DDX23: variants seen among roughly 807,000 people sequenced by gnomAD.
The protein encoded by DDX23 is probable ATP-dependent RNA helicase DDX23.
A neutral mutation model predicts 102.7 loss-of-function variants in DDX23; 33 were observed. That is an observed-to-expected ratio of 0.32 (90% CI 0.24 to 0.43). The LOEUF is 0.43. Among genes scored for constraint, DDX23 ranks in the 20% least tolerant of loss-of-function variants. The pLI is 1.00. For synonymous variants in DDX23, 352 were observed against 376.0 expected (o/e 0.94, Z 0.74); for missense variants, 549 against 1,086.6 (o/e 0.51, Z 6.96).
chr12:48,842,975 A>G (rs1026207740), intron 3 of DDX23, among the ~76,000 whole-genome samples: 5 of 149,824 alleles, frequency 3.3e-5, no homozygotes, highest in Admixed American at 6.7e-5. Context: ...CTGCCTTGGG[A>G]TCCTGTTGAT....
Position 48,831,159 on chromosome 12 carries a change from A to G in DDX23, c.2222T>C (p.Met741Thr), listed in dbSNP as rs1356587567. 6.2e-7 allele frequency: 1 copy of G among 1,614,080 alleles called. No individual in the cohort carries two copies. Among genetic ancestry groups the G allele is most frequent in the African/African-American group, 1.3e-5 (1 of 74,932 alleles). ...QDVSMVVNYD[M>T]AKNIEDYIHR... Reference sequence around the variant, plus strand: ...GAACTTACCTTCAATATTTTTGGCCATATCATAGTTGACAACCATAGACAC... The same window carrying G: ...GAACTTACCTTCAATATTTTTGGCCGTATCATAGTTGACAACCATAGACAC... The change falls in exon 16 of 17, where the codon ATG (methionine) becomes ACG (threonine). Residue 741 changes from methionine (M) to threonine (T), a missense_variant. By Grantham distance (81) the Met-to-Thr change is moderately conservative (BLOSUM62 -1). Around this residue, in one of 4 missense-constraint regions of DDX23, gnomAD observed 0 missense variants for 18.1 expected, o/e 0.00. Transcript: ENST00000308025.
intron 3 of DDX23, among the ~76,000 whole-genome samples, chr12:48,842,378 C>T (rs1211737519): frequency 2.1e-5 from 3 of 142,984 alleles, no homozygotes; most frequent in African/African-American, 7.8e-5. Flanking sequence ...CCCAGTCAGC[C>T]GCCCCGTCCG....
intron 8 of DDX23, 63 bp downstream of exon 8, chr12:48,837,218 G>A (rs555977184): frequency 5.3e-4 from 841 of 1,575,426 alleles, no homozygotes; most frequent in Non-Finnish European, 6.5e-4. Context: ...CACCTCCGTA[G>A]TCATCAGCTC....
intron 3 of DDX23, among the ~76,000 whole-genome samples, chr12:48,843,295 TA>T (rs1042555081): frequency 1.8e-3 from 248 of 135,818 alleles, no homozygotes; most frequent in Middle Eastern, 3.7e-3. Flanking sequence ...AATGATCAAT[TA>T]AAAAAAAAAA....
rs1938364171 is a variant in DDX23 at position 48,830,292 on chromosome 12, C to T, written c.*177G>A. 1 of 794,508 alleles carries T rather than the reference C, an allele frequency of 1.3e-6. No homozygotes were observed. The highest frequency in any genetic ancestry group is 1.7e-5 in the African/African-American group (1 of 58,778). 49.2% of individuals were successfully genotyped at this position (794,508 alleles called of 1,614,324 possible). A position where few individuals can be genotyped will look rare whatever the true frequency, so the allele number is the denominator to read the frequency against. ...CTGCCTCCGACAGCGTCGTCCTCTC[C>T]TTTTGCAGCCCCACACGCAGGCCTC... On this transcript the variant is annotated 3_prime_UTR_variant, in exon 17 of 17. Transcript: ENST00000308025. The surrounding 1 kb of genome is among the most constrained non-coding windows in gnomAD (Gnocchi z 4.9).
At chr12:48,840,228 T>C in intron 3 of DDX23, 122 bp from the exon 4 acceptor site, 1 of 792,122 alleles carries the variant, frequency 1.3e-6, no homozygotes, top group African/African-American at 1.7e-5. Context: ...CCCATGGTCA[T>C]CTATCATGTC....
At chr12:48,843,547 C>CTTTTTTTT (rs757724499) in intron 3 of DDX23, among the ~76,000 whole-genome samples, 9 of 117,512 alleles carry the variant, frequency 7.7e-5, no homozygotes, top group South Asian at 2.7e-4. Context: ...TTCTTTCTTT[C>CTTTTTTTT]TTTTTTTTTT....
intron 11 of DDX23, among the ~76,000 whole-genome samples, chr12:48,835,770 A>G (rs1178260000): frequency 2.0e-5 from 3 of 152,178 alleles, no homozygotes; most frequent in African/African-American, 7.2e-5. Flanking sequence ...CACGCCTGTA[A>G]TCCCCAGCTA....
In DDX23 at chr12:48,832,669, A is replaced by C; in HGVS notation, c.1804-96T>G. On this transcript the variant is annotated intron_variant, in intron 13 of 16. Transcript: ENST00000308025. The surrounding 1 kb of genome is among the most constrained non-coding windows in gnomAD (Gnocchi z 4.4). ...GGTCAGCCCAGACTAAAGAATCTAA[A>C]ATGGGCCACAGTATAGGCTTTGATA... is the stretch of plus-strand genomic sequence containing the variant. The C allele has an allele frequency of 6.8e-7, 1 of 1,464,884 alleles. No individual in the cohort carries two copies. The highest frequency in any genetic ancestry group is 9.2e-7 in the Non-Finnish European group (1 of 1,090,356). 90.7% of individuals were successfully genotyped at this position (1,464,884 alleles called of 1,614,324 possible). A position where few individuals can be genotyped will look rare whatever the true frequency, so the allele number is the denominator to read the frequency against.
At chr12:48,844,129 T>C in intron 2 of DDX23, 79 bp from the exon 3 acceptor site, 1 of 1,292,700 alleles carries the variant, frequency 7.7e-7, no homozygotes, top group Non-Finnish European at 1.1e-6. Flanking sequence ...AAAGTTCCTA[T>C]ACTCTCGTCC....
In DDX23 at chr12:48,839,907, G is replaced by C. The variant is rs1938522248; in HGVS notation, c.417C>G (p.Ala139=). The change falls in exon 5 of 17, where the codon GCC becomes GCG. Residue 139 remains alanine, a splice_region_variant and synonymous_variant. Coordinates refer to ENST00000308025, the MANE Select transcript of DDX23 (RefSeq NM_004818.3). ...GAAGCTCCTCCAGGGATAATGGCTG[G>C]GCCTGAAGATAAAACAGAACTTTAG... ...EDEHGDKKPK[A]QPLSLEELLA... is the part of the protein sequence containing the mutation. The C allele has an allele frequency of 6.2e-7, 1 of 1,614,100 alleles. No individual in the cohort carries two copies. Among genetic ancestry groups the C allele is most frequent in the African/African-American group, 1.3e-5 (1 of 75,020 alleles).
At position 48,837,151 on chromosome 12, in the gene DDX23, G is replaced by C. The variant is rs371321804; in HGVS notation, c.867-114C>G. The C allele has an allele frequency of 9.6e-6, 15 of 1,560,514 alleles. No individual in the cohort carries two copies. The East Asian group carries it at 2.3e-4, about 23-fold the overall frequency. ...CCCAGACAGGGTCTTTCTTCCACCA[G>C]AGGGCTGGCTGACTACCAGTCTACC... On this transcript the variant is annotated intron_variant, in intron 8 of 16. Coordinates refer to ENST00000308025, the MANE Select transcript of DDX23 (RefSeq NM_004818.3).
chr12:48,851,197 C>A (rs768512665), intron 1 of DDX23, among the ~76,000 whole-genome samples: 5 of 152,174 alleles, frequency 3.3e-5, no homozygotes, highest in Admixed American at 6.5e-5. Context: ...TGAGGTCGGA[C>A]GCGGTGGCTC....
intron 1 of DDX23, among the ~76,000 whole-genome samples, chr12:48,847,103 G>A (rs1366474530): frequency 6.6e-6 from 1 of 152,176 alleles, no homozygotes; most frequent in Non-Finnish European, 1.5e-5. Flanking sequence ...GTATAAAGAT[G>A]AGAAAAGAAA....
At chr12:48,837,179 T>C (rs528413046) in intron 8 of DDX23, 102 bp downstream of exon 8, 2 of 1,549,352 alleles carry the variant, frequency 1.3e-6, no homozygotes, top group South Asian at 2.3e-5. Flanking sequence ...AGTCTACCAA[T>C]TTTCCATCCC....
Position 48,837,863 on chromosome 12 carries a change from T to C in DDX23, c.619+79A>G, listed in dbSNP as rs1030166290. ...CCAAACTCCAGAGTGAACAGGTTTC[T>C]ATCTCTCCTAAGAGACACTGTATCT... On this transcript the variant is annotated intron_variant, in intron 6 of 16. Transcript: ENST00000308025. 3.8e-6 allele frequency: 6 copies of C among 1,590,050 alleles called. No individual in the cohort carries two copies. In the African/African-American group the frequency reaches 5.4e-5, roughly 14 times the overall value.
Position 48,834,301 on chromosome 12 carries a change from GC to G in DDX23, c.1560+18del. 5.6e-6 allele frequency: 9 copies of G among 1,595,690 alleles called. No homozygotes were observed. Among genetic ancestry groups the G allele is most frequent in the Non-Finnish European group, 7.7e-6 (9 of 1,170,172 alleles). On this transcript the variant is annotated intron_variant, in intron 12 of 16. Coordinates refer to ENST00000308025, the MANE Select transcript of DDX23 (RefSeq NM_004818.3). ...AGCCTTCCCAGACAGCAGGCTGGCT[GC>G]TAGATAGAAAAACAAACCTCACAAC...
At position 48,832,257 on chromosome 12, in the gene DDX23, A is replaced by C; in HGVS notation, c.1956-71T>G. On this transcript the variant is annotated intron_variant, in intron 14 of 16. Transcript: ENST00000308025. The surrounding 1 kb of genome is among the most constrained non-coding windows in gnomAD (Gnocchi z 4.4). ...CAAGTGAAATGCCCAACCCTCATCTATGAACACTACTTTCAGGGTCTTTAA... is the reference window on the plus strand; with the variant it reads ...CAAGTGAAATGCCCAACCCTCATCTCTGAACACTACTTTCAGGGTCTTTAA... 6.3e-7 allele frequency: 1 copy of C among 1,576,280 alleles called. No individual in the cohort carries two copies.
intron 5 of DDX23, chr12:48,839,642 A>C: frequency 3.7e-6 from 2 of 537,832 alleles, no homozygotes; most frequent in Non-Finnish European, 6.7e-6. Flanking sequence ...CAGAGGGAGG[A>C]CCATGTGAAG....
Sources: allele counts gnomAD v4.1 joint callset (sites outside exome capture counted in the v4.1 genomes callset), GRCh38; gene constraint gnomAD v4.1.1; regional missense constraint gnomAD v4.1.1; non-coding constraint Gnocchi (gnomAD v3.1); transcripts MANE v1.5; gene names NCBI Gene and HGNC (gene_info 2026-07-23, HGNC 2026-07-21).